Variants in ERC1 observed in about 807,000 individuals in gnomAD.
The protein encoded by ERC1 is ELKS/RAB6-interacting/CAST family member 1.
A neutral mutation model predicts 132.0 loss-of-function variants in ERC1; 56 were observed. The observed-to-expected ratio is 0.42, with a 90% CI of 0.34 to 0.53. ERC1 has a LOEUF of 0.53. ERC1 is among the 20% of genes least tolerant of loss of function. The probability of loss-of-function intolerance (pLI) is 0.03; values close to 1 mark genes in which losing one functional copy is unlikely to be tolerated. For missense variants in ERC1, 1,202 were observed against 1,349.9 expected (o/e 0.89, Z 1.72); for synonymous variants, 478 against 476.1 (o/e 1.00, Z -0.05).
rs971143745 is a variant in ERC1 at position 1,402,512 on chromosome 12, G to C, written c.2926-5637G>C. On this transcript the variant is annotated intron_variant, in intron 16 of 18. Coordinates refer to ENST00000360905, the MANE Select transcript of ERC1 (RefSeq NM_178040.4). Reference sequence around the variant, plus strand: ...CACTCCAGCCTGGGTGACAGAGAGAGAGACTGTCTCAAAAAAAAGAAAGAG... The same window carrying C: ...CACTCCAGCCTGGGTGACAGAGAGACAGACTGTCTCAAAAAAAAGAAAGAG... 4.6e-5 allele frequency among the ~76,000 whole-genome samples: 7 copies of C among 151,866 alleles called. No homozygotes were observed. The East Asian group carries it at 1.3e-3, about 29-fold the overall frequency.
intron 15 of ERC1, among the ~76,000 whole-genome samples, chr12:1,305,373 A>G (rs1156414357): frequency 1.3e-5 from 2 of 152,016 alleles, no homozygotes; most frequent in South Asian, 2.1e-4. Flanking sequence ...AAAGGTCTCT[A>G]TTTTTACAGG....
Position 1,302,350 on chromosome 12 carries a change from T to A in ERC1, c.2780+12338T>A, listed in dbSNP as rs1294746778. ...ACTAGAGATAGAAGGTAATTCAGCTTAGTAAAGAGCATCATGAAAAATTTA... is the reference window on the plus strand; with the variant it reads ...ACTAGAGATAGAAGGTAATTCAGCTAAGTAAAGAGCATCATGAAAAATTTA... On this transcript the variant is annotated intron_variant, in intron 15 of 18. Coordinates refer to ENST00000360905, the MANE Select transcript of ERC1 (RefSeq NM_178040.4). 2.0e-5 allele frequency among the ~76,000 whole-genome samples: 3 copies of A among 152,284 alleles called. No individual in the cohort carries two copies. In the East Asian group the frequency reaches 5.8e-4, roughly 29 times the overall value.
chr12:1,415,048 AG>A (rs1237436509), intron 17 of ERC1, among the ~76,000 whole-genome samples: 1 of 152,232 alleles, frequency 6.6e-6, no homozygotes, highest in Non-Finnish European at 1.5e-5. Context: ...GAGAATTTAA[AG>A]GAAAATCATA....
Position 1,115,897 on chromosome 12 carries a change from A to G in ERC1, c.1433A>G (p.Lys478Arg), listed in dbSNP as rs1214662675. The stretch of plus-strand genomic sequence containing the variant: ...CAGGTGAAACAGGAGCTGTCCAGAA[A>G]GGACACAGAACTACTCGCCCTGCAG... ...IGQVKQELSR[K>R]DTELLALQTK... Residue 478 changes from lysine (K) to arginine (R), a missense_variant, in exon 7 of 19, where the codon AAG becomes AGG. Coordinates refer to ENST00000360905, the MANE Select transcript of ERC1 (RefSeq NM_178040.4). The G allele has an allele frequency of 6.2e-7, 1 of 1,614,022 alleles. No homozygotes were observed. The highest frequency in any genetic ancestry group is 1.7e-5 in the Admixed American group (1 of 59,996).
chr12:1,097,388 G>T (rs548571078), intron 3 of ERC1, among the ~76,000 whole-genome samples: 1 of 152,254 alleles, frequency 6.6e-6, no homozygotes, highest in Admixed American at 6.5e-5. Context: ...ACTCTGTTAG[G>T]CCTGGTTTAG....
intron 8 of ERC1, among the ~76,000 whole-genome samples, chr12:1,159,595 T>C (rs1172727644): frequency 6.6e-6 from 1 of 152,244 alleles, no homozygotes; most frequent in Non-Finnish European, 1.5e-5. Context: ...CTGCATGATA[T>C]TTAGATATTT....
chr12:1,107,738 G>T (rs779163948), intron 4 of ERC1, among the ~76,000 whole-genome samples: 5 of 152,148 alleles, frequency 3.3e-5, no homozygotes, highest in Non-Finnish European at 7.4e-5. Flanking sequence ...CAATGGGGAG[G>T]GTAGGGTGAA....
intron 1 of ERC1, among the ~76,000 whole-genome samples, chr12:1,014,870 T>A (rs1188586045): frequency 6.7e-6 from 1 of 149,438 alleles, no homozygotes; most frequent in East Asian, 2.0e-4. Context: ...TTGAAGTGAT[T>A]CTCCTGCCTC....
intron 18 of ERC1, chr12:1,480,952 C>G (rs1367674380): frequency 1.0e-5 from 7 of 701,812 alleles, no homozygotes; most frequent in Admixed American, 2.0e-5. Context: ...CAGTCTGTTG[C>G]AAGCTCCCCA....
rs557141479 is a variant in ERC1, at chr12:1,137,245, A to G, written c.1570-4375A>G. Among the ~76,000 whole-genome samples the G allele has an allele frequency of 3.3e-5, 5 of 151,158 alleles. No homozygotes were observed. The South Asian group carries it at 8.4e-4, about 25-fold the overall frequency. On this transcript the variant is annotated intron_variant, in intron 7 of 18. Coordinates refer to ENST00000360905, the MANE Select transcript of ERC1 (RefSeq NM_178040.4). ...TCCCGAGTAGCTGGGATTATAGGCA[A>G]GCGCCACCACGCCAAGCTAATTTTT...
chr12:1,110,274 G>A lies in ERC1; in HGVS notation c.1244G>A (p.Ser415Asn), dbSNP rs147857333. The change falls in exon 5 of 19, where the codon AGT becomes AAT. Residue 415 changes from serine (S) to asparagine (N), a missense_variant. Physicochemically the swap from Ser to Asn is conservative, Grantham distance 46. Transcript: ENST00000360905. ...IQMLKSNGAL[S>N]TEEREEEMKQ... is the part of the protein sequence containing the mutation. The stretch of plus-strand genomic sequence containing the variant: ...ATGCTGAAATCGAATGGTGCTTTGA[G>A]TACTGAGGAAAGGGAAGAAGAAATG... 2.8e-5 allele frequency: 45 copies of A among 1,613,568 alleles called. No homozygotes were observed. The African/African-American group carries it at 4.7e-4, about 17-fold the overall frequency.
At chr12:1,286,216 C>T (rs1447049731) in intron 14 of ERC1, among the ~76,000 whole-genome samples, 1 of 146,968 alleles carries the variant, frequency 6.8e-6, no homozygotes, top group Non-Finnish European at 1.5e-5. Context: ...ATTGCTTGAA[C>T]TGGGGAGATG....
At chr12:1,339,484 T>C (rs2083614846) in intron 15 of ERC1, among the ~76,000 whole-genome samples, 1 of 143,218 alleles carries the variant, frequency 7.0e-6, no homozygotes, top group South Asian at 2.3e-4. Context: ...GCAGCTCAGC[T>C]GGACAACTGT....
chr12:993,589 A>G (rs1960126068), intron 1 of ERC1, among the ~76,000 whole-genome samples: 1 of 152,106 alleles, frequency 6.6e-6, no homozygotes, highest in South Asian at 2.1e-4. Context: ...TTAATTCAAC[A>G]TTAATACTGC....
intron 18 of ERC1, among the ~76,000 whole-genome samples, chr12:1,488,972 A>C (rs1176516814): frequency 6.6e-6 from 1 of 152,132 alleles, no homozygotes; most frequent in Non-Finnish European, 1.5e-5. Context: ...CAGTCTGAGA[A>C]AGTGGCGATG....
chr12:1,301,958 A>G lies in ERC1; in HGVS notation c.2780+11946A>G, dbSNP rs574193655. Among the ~76,000 whole-genome samples, 7 of 152,346 alleles carry G rather than the reference A, an allele frequency of 4.6e-5. No individual in the cohort carries two copies. The South Asian group carries it at 1.4e-3, about 32-fold the overall frequency. On this transcript the variant is annotated intron_variant, in intron 15 of 18. Transcript: ENST00000360905. Reference sequence around the variant, plus strand: ...TGTAATACCAGTCTTAGAGAAACTCATTCACAAAATAAAGAAGGTATTATA... The same window carrying G: ...TGTAATACCAGTCTTAGAGAAACTCGTTCACAAAATAAAGAAGGTATTATA...
chr12:1,031,581 C>CT (rs1334134149), intron 2 of ERC1, among the ~76,000 whole-genome samples: 2 of 152,130 alleles, frequency 1.3e-5, no homozygotes, highest in Non-Finnish European at 2.9e-5. Flanking sequence ...TAATTTTATT[C>CT]TTTCTCAGAT....
At chr12:1,200,777 C>G (rs1273252715) in intron 12 of ERC1, among the ~76,000 whole-genome samples, 1 of 152,084 alleles carries the variant, frequency 6.6e-6, no homozygotes, top group Non-Finnish European at 1.5e-5. Context: ...CCAGGATGGT[C>G]TCGATCTCCT....
In ERC1 at chr12:1,326,276, G is replaced by A. The variant is rs184797964; in HGVS notation, c.2780+36264G>A. On this transcript the variant is annotated intron_variant, in intron 15 of 18. Coordinates refer to ENST00000360905, the MANE Select transcript of ERC1 (RefSeq NM_178040.4). ...ATTTAAAAAGGTAAGTCAGAATCTG[G>A]CCCAAGACCTTGACCTCTCAAATTA... is the stretch of plus-strand genomic sequence containing the variant. Among the ~76,000 whole-genome samples the A allele has an allele frequency of 1.8e-3, 268 of 152,184 alleles. 1 individual carries two copies. The highest frequency in any genetic ancestry group is 4.6e-3 in the Admixed American group (71 of 15,284).
Sources: allele counts gnomAD v4.1 joint callset (sites outside exome capture counted in the v4.1 genomes callset), GRCh38; gene constraint gnomAD v4.1.1; transcripts MANE v1.5; gene names NCBI Gene and HGNC (gene_info 2026-07-23, HGNC 2026-07-21).